NBEAL1: variants seen among roughly 807,000 people sequenced by gnomAD.
NBEAL1 encodes neurobeachin-like protein 1.
NBEAL1 carries 273 observed loss-of-function variants against 351.3 expected under a neutral mutation model. The ratio of observed to expected loss-of-function variants is 0.78; its 90% CI spans 0.70 to 0.86. The LOEUF is 0.86. Among genes scored for constraint, NBEAL1 ranks in the 40% least tolerant of loss-of-function variants. The pLI is 0.00. For synonymous variants in NBEAL1, 1,050 were observed against 1,086.4 expected, an observed-to-expected ratio of 0.97 and a Z score of 0.66; for missense variants, 2,961 against 3,201.3, an observed-to-expected ratio of 0.92 and a Z score of 1.81.
intron 2 of NBEAL1, among the ~76,000 whole-genome samples, chr2:203,020,887 A>G (rs1435034938): frequency 6.6e-6 from 1 of 152,056 alleles, no homozygotes; most frequent in African/African-American, 2.4e-5. Context: ...TTAAGTATAG[A>G]AGTATTTTAA....
At chr2:203,020,068 G>A (rs1042832507) in intron 2 of NBEAL1, among the ~76,000 whole-genome samples, 5 of 151,876 alleles carry the variant, frequency 3.3e-5, no homozygotes, top group Non-Finnish European at 5.9e-5. Context: ...AATTTATGGG[G>A]TACAATGTAA....
intron 7 of NBEAL1, among the ~76,000 whole-genome samples, chr2:203,076,209 G>A (rs1001025962): frequency 6.6e-6 from 1 of 152,056 alleles, no homozygotes; most frequent in African/African-American, 2.4e-5. Context: ...CAGGCTTGAC[G>A]CAGTGGCTCA....
intron 36 of NBEAL1, among the ~76,000 whole-genome samples, chr2:203,165,399 T>C (rs1326171523): frequency 1.3e-5 from 2 of 152,214 alleles, no homozygotes; most frequent in Admixed American, 6.6e-5. Context: ...TTTTATAGTT[T>C]AAGATTCATA....
chr2:203,021,854 C>T (rs2060777089), intron 2 of NBEAL1, among the ~76,000 whole-genome samples: 1 of 151,706 alleles, frequency 6.6e-6, no homozygotes, highest in Non-Finnish European at 1.5e-5. Context: ...TTGAGACCAG[C>T]GTGGCCAAAA....
chr2:203,207,288 G>C (rs549107661), intron 51 of NBEAL1, among the ~76,000 whole-genome samples: 80 of 150,392 alleles, frequency 5.3e-4, no homozygotes, highest in African/African-American at 1.8e-3. Context: ...GGAGGGAGGT[G>C]GGGGGGTCAG....
chr2:203,051,733 C>T (rs1361039316), intron 4 of NBEAL1, among the ~76,000 whole-genome samples: 2 of 151,768 alleles, frequency 1.3e-5, no homozygotes, highest in Admixed American at 6.6e-5. Context: ...CTGAAATGCT[C>T]AACAAATTTT....
chr2:203,047,971 A>T (rs2061256985), intron 3 of NBEAL1, among the ~76,000 whole-genome samples: 1 of 151,672 alleles, frequency 6.6e-6, no homozygotes, highest in South Asian at 2.1e-4. Flanking sequence ...TCTATTTCTT[A>T]GCTGATTTGG....
intron 53 of NBEAL1, among the ~76,000 whole-genome samples, chr2:203,209,713 A>ATGTGTGTGTGTG (rs56169732): frequency 0.26 from 35,943 of 138,358 alleles, 5,369 homozygotes; most frequent in Middle Eastern, 0.37. Context: ...TTTAATTAAT[A>ATGTGTGTGTGTG]TGTGTGTGTG....
intron 43 of NBEAL1, chr2:203,180,954 T>TTTTTTTTTTTTTTC (rs2064698755): frequency 6.8e-6 from 1 of 147,832 alleles, no homozygotes; most frequent in South Asian, 2.2e-4. Context: ...TTTTTTTTTT[T>TTTTTTTTTTTTTTC]TGAGACAGGG....
rs1199995493 is a variant in NBEAL1, at chr2:203,062,768, A to T, written c.515+5315A>T. ...AATGTAAGAACTGCTTCAAAGACAA[A>T]TGGTAAAGCAGGGAATTCAGACTTG... On this transcript the variant is annotated intron_variant, in intron 6 of 55. Coordinates refer to ENST00000683969, the MANE Select transcript of NBEAL1 (RefSeq NM_001378026.1). This position sits in a 1 kb window ranked among gnomAD's most constrained non-coding sequence, Gnocchi z 4.2. Among the ~76,000 whole-genome samples the T allele has an allele frequency of 1.3e-5, 2 of 152,190 alleles. No homozygotes were observed. The highest frequency in any genetic ancestry group is 2.9e-5 in the Non-Finnish European group (2 of 68,034).
chr2:203,136,872 A>C, intron 29 of NBEAL1, 98 bp downstream of exon 29: 1 of 1,074,804 alleles, frequency 9.3e-7, no homozygotes, highest in Non-Finnish European at 1.3e-6. Context: ...TTCTGTGGAT[A>C]TAACAAGGGA....
chr2:203,144,886 A>C lies in NBEAL1; in HGVS notation c.5135A>C (p.Gln1712Pro). Reference protein sequence around the residue: ...FQEYCNSNEWQVYIEKYIVPY... With the variant: ...FQEYCNSNEWPVYIEKYIVPY... ...GAATATTGTAATTCAAATGAATGGCAAGTTTACATTGAAAAATATGTAAGT... is the reference window on the plus strand; with the variant it reads ...GAATATTGTAATTCAAATGAATGGCCAGTTTACATTGAAAAATATGTAAGT... The change falls in exon 32 of 56, where the codon CAA (glutamine) becomes CCA (proline). Residue 1712 changes from glutamine (Q) to proline (P), a missense_variant. Physicochemically the swap from Gln to Pro is moderately conservative, Grantham distance 76. Coordinates refer to ENST00000683969, the MANE Select transcript of NBEAL1 (RefSeq NM_001378026.1). 1 of 1,589,506 alleles carries C rather than the reference A, an allele frequency of 6.3e-7. No homozygotes were observed. The highest frequency in any genetic ancestry group is 2.2e-5 in the East Asian group (1 of 44,696).
Position 203,141,360 on chromosome 2 carries a change from A to ATTT in NBEAL1, c.4848+2614_4848+2615insTTT, listed in dbSNP as rs1559399251. Among the ~76,000 whole-genome samples the ATTT allele has an allele frequency of 5.3e-3, 72 of 13,616 alleles. 2 individuals are homozygous for ATTT. The highest frequency in any genetic ancestry group is 0.013 in the African/African-American group (70 of 5,318). 8.9% of individuals were successfully genotyped at this position (13,616 alleles called of 152,430 possible). On this transcript the variant is annotated intron_variant, in intron 31 of 55. Transcript: ENST00000683969. Reference sequence around the variant, plus strand: ...AAGACAGATTATTATTATTATTATTATTATTATTTTTTTTTTTTTTTTTTT... The same window carrying ATTT: ...AAGACAGATTATTATTATTATTATTATTTTTATTATTTTTTTTTTTTTTTTTTT...
intron 9 of NBEAL1, 25 bp from the exon 10 acceptor site, chr2:203,084,438 G>T: frequency 8.0e-7 from 1 of 1,248,948 alleles, no homozygotes; most frequent in Non-Finnish European, 1.1e-6. Context: ...TTTTTACATG[G>T]ATGATTTTCT....
At chr2:203,145,757 C>A (rs1457290021) in intron 33 of NBEAL1, among the ~76,000 whole-genome samples, 1 of 144,230 alleles carries the variant, frequency 6.9e-6, no homozygotes. Context: ...GAGATCATGC[C>A]ACTGCACTCC....
chr2:203,097,879 A>G (rs2062217094), intron 11 of NBEAL1, among the ~76,000 whole-genome samples: 1 of 152,176 alleles, frequency 6.6e-6, no homozygotes, highest in African/African-American at 2.4e-5. Context: ...GGTCTTTTCA[A>G]TTTGAGGAGA....
At chr2:203,099,176 T>C (rs971110902) in intron 11 of NBEAL1, among the ~76,000 whole-genome samples, 2 of 151,458 alleles carry the variant, frequency 1.3e-5, no homozygotes, top group Admixed American at 6.6e-5. Flanking sequence ...CTCAGGAGGC[T>C]GAGGCAGGAG....
chr2:203,216,020 A>C (rs2065889577), intron 55 of NBEAL1, among the ~76,000 whole-genome samples: 1 of 152,074 alleles, frequency 6.6e-6, no homozygotes, highest in Non-Finnish European at 1.5e-5. Flanking sequence ...AAAAAAAAAA[A>C]AAAAAAAACG....
At chr2:203,084,277 ATTGT>A (rs1329986493) in intron 9 of NBEAL1, among the ~76,000 whole-genome samples, 182 bp from the exon 10 acceptor site, 3 of 152,120 alleles carry the variant, frequency 2.0e-5, no homozygotes, top group African/African-American at 7.2e-5. Context: ...ACGAACATTA[ATTGT>A]TTGGTGTATA....
Sources: allele counts gnomAD v4.1 joint callset (sites outside exome capture counted in the v4.1 genomes callset), GRCh38; gene constraint gnomAD v4.1.1; non-coding constraint Gnocchi (gnomAD v3.1); transcripts MANE v1.5; gene names NCBI Gene and HGNC (gene_info 2026-07-23, HGNC 2026-07-21).